The following PTPN4 variants were observed in gnomAD, a reference collection of about 807,000 sequenced individuals.
The protein encoded by PTPN4 is tyrosine-protein phosphatase non-receptor type 4.
Under a neutral mutation model 135.5 loss-of-function variants are expected in PTPN4, and 49 were observed. The observed-to-expected ratio is 0.36, with a 90% CI of 0.29 to 0.46. The LOEUF (loss-of-function observed/expected upper bound fraction) is 0.46, where lower values mean the gene tolerates loss of function less well. Ranked by LOEUF, PTPN4 falls within the 20% of genes least tolerant of loss-of-function variation. The pLI, the probability that PTPN4 is intolerant of heterozygous loss-of-function variation, is 1.00. For synonymous variants in PTPN4, 333 were observed against 369.9 expected, an observed-to-expected ratio of 0.90 and a Z score of 1.14; for missense variants, 860 against 1,101.0, an observed-to-expected ratio of 0.78 and a Z score of 3.10.
At chr2:119,870,100 A>G (rs1326323700) in intron 3 of PTPN4, among the ~76,000 whole-genome samples, 2 of 152,212 alleles carry the variant, frequency 1.3e-5, no homozygotes, top group Non-Finnish European at 2.9e-5. Context: ...TTCTTTAGCA[A>G]TATGATTATC....
At position 119,956,699 on chromosome 2, in the gene PTPN4, A is replaced by G. The variant is rs1018706606; in HGVS notation, c.1981-145A>G. 2.7e-5 allele frequency: 36 copies of G among 1,356,954 alleles called. No homozygotes were observed. The Middle Eastern group carries it at 6.9e-4, about 26-fold the overall frequency. 84.1% of individuals were successfully genotyped at this position (1,356,954 alleles called of 1,614,324 possible). On this transcript the variant is annotated intron_variant, in intron 20 of 26. Coordinates refer to ENST00000263708, the MANE Select transcript of PTPN4 (RefSeq NM_002830.4). ...CTTTGCAAATCTGGTTCAGTACTCT[A>G]CTAGACTATGGTATATCATTGTATA...
chr2:119,823,304 C>T (rs555264668), intron 2 of PTPN4, among the ~76,000 whole-genome samples: 40 of 151,400 alleles, frequency 2.6e-4, no homozygotes, highest in Non-Finnish European at 5.0e-4. Flanking sequence ...GCTCGATCTC[C>T]GCTCACTGCA....
chr2:119,833,382 A>G (rs1574358840), intron 2 of PTPN4, among the ~76,000 whole-genome samples: 2 of 152,146 alleles, frequency 1.3e-5, no homozygotes, highest in African/African-American at 2.4e-5. Context: ...CTGCATGCCA[A>G]TCCATATTGT....
intron 9 of PTPN4, among the ~76,000 whole-genome samples, chr2:119,891,185 T>G (rs1678234762): frequency 6.6e-6 from 1 of 152,218 alleles, no homozygotes; most frequent in African/African-American, 2.4e-5. Flanking sequence ...TTCTTTATTT[T>G]TGTTTGACTG....
chr2:119,888,577 G>A lies in PTPN4; in HGVS notation c.675+2695G>A, dbSNP rs189402535. Among the ~76,000 whole-genome samples the A allele has an allele frequency of 1.1e-3, 169 of 152,252 alleles. 1 individual carries two copies. The highest frequency in any genetic ancestry group is 2.8e-3 in the Admixed American group (43 of 15,294). On this transcript the variant is annotated intron_variant, in intron 9 of 26. Coordinates refer to ENST00000263708, the MANE Select transcript of PTPN4 (RefSeq NM_002830.4). ...CAAATGCTTTTACAATGTCTTTTGAGATGGTTATATGGTTTTTATTCTTCA... is the reference window on the plus strand; with the variant it reads ...CAAATGCTTTTACAATGTCTTTTGAAATGGTTATATGGTTTTTATTCTTCA...
intron 1 of PTPN4, among the ~76,000 whole-genome samples, chr2:119,789,471 T>C (rs1217788028): frequency 6.6e-6 from 1 of 152,228 alleles, no homozygotes; most frequent in East Asian, 1.9e-4. Flanking sequence ...GCCCGTGCTA[T>C]TGGTGTCATA....
At chr2:119,948,681 C>G (rs1679169863) in intron 18 of PTPN4, among the ~76,000 whole-genome samples, 2 of 152,108 alleles carry the variant, frequency 1.3e-5, no homozygotes, top group Admixed American at 6.5e-5. Context: ...TCAAAATGCT[C>G]ATCGTTAAAG....
intron 22 of PTPN4, among the ~76,000 whole-genome samples, chr2:119,958,515 A>G (rs1213909826): frequency 3.9e-5 from 6 of 152,162 alleles, no homozygotes; most frequent in Non-Finnish European, 7.4e-5. Context: ...CTAGTGGCCA[A>G]TCTTAGCTAA....
At chr2:119,949,485 T>G (rs954056307) in intron 18 of PTPN4, among the ~76,000 whole-genome samples, 2 of 152,304 alleles carry the variant, frequency 1.3e-5, no homozygotes, top group South Asian at 2.1e-4. Flanking sequence ...CAATTAAAGT[T>G]ATGATTCTCT....
chr2:119,832,186 A>G (rs1677229131), intron 2 of PTPN4, among the ~76,000 whole-genome samples: 1 of 152,158 alleles, frequency 6.6e-6, no homozygotes, highest in African/African-American at 2.4e-5. Context: ...ACTGACCTTA[A>G]CAGGTCTTAC....
At position 119,782,155 on chromosome 2, in the gene PTPN4, G is replaced by A. The variant is rs556262762; in HGVS notation, c.-18+21771G>A. Among the ~76,000 whole-genome samples the A allele has an allele frequency of 2.6e-4, 40 of 152,240 alleles. 1 individual carries two copies. The South Asian group carries it at 7.7e-3, about 29-fold the overall frequency. ...TTCTTGGCTGGGCGCGGTGGCTCAC[G>A]CCTGTAATCCTAGCACTTTGGGAGG... is the stretch of plus-strand genomic sequence containing the variant. On this transcript the variant is annotated intron_variant, in intron 1 of 26. Coordinates refer to ENST00000263708, the MANE Select transcript of PTPN4 (RefSeq NM_002830.4).
At chr2:119,889,368 C>T (rs1440536080) in intron 9 of PTPN4, among the ~76,000 whole-genome samples, 4 of 151,912 alleles carry the variant, frequency 2.6e-5, no homozygotes, top group African/African-American at 7.3e-5. Context: ...TGCAGTGAGC[C>T]GAGATGGCGC....
At chr2:119,853,998 G>A (rs1358553055) in intron 2 of PTPN4, among the ~76,000 whole-genome samples, 5 of 151,950 alleles carry the variant, frequency 3.3e-5, no homozygotes, top group South Asian at 4.1e-4. Context: ...GGCTCTGAAC[G>A]AAGAGGAAAA....
At chr2:119,856,757 T>G (rs1255591141) in intron 2 of PTPN4, among the ~76,000 whole-genome samples, 1 of 152,198 alleles carries the variant, frequency 6.6e-6, no homozygotes. Context: ...TGTTAGTAAC[T>G]GTTATTCATA....
At chr2:119,902,375 C>G (rs1678418589) in intron 10 of PTPN4, among the ~76,000 whole-genome samples, 1 of 152,116 alleles carries the variant, frequency 6.6e-6, no homozygotes, top group Non-Finnish European at 1.5e-5. Context: ...CACACACAAA[C>G]AAAAATTGAT....
At chr2:119,968,022 T>G in intron 26 of PTPN4, 50 bp downstream of exon 26, 2 of 1,305,464 alleles carry the variant, frequency 1.5e-6, no homozygotes, top group Non-Finnish European at 2.1e-6. Flanking sequence ...ATGATGATTT[T>G]TGTTGCCAAT....
chr2:119,846,801 C>T (rs1336620171), intron 2 of PTPN4, among the ~76,000 whole-genome samples: 1 of 151,454 alleles, frequency 6.6e-6, no homozygotes, highest in East Asian at 1.9e-4. Flanking sequence ...TAACCAGATA[C>T]ATCTTAACTT....
At chr2:119,951,635 C>G (rs1679213149) in intron 18 of PTPN4, among the ~76,000 whole-genome samples, 1 of 152,138 alleles carries the variant, frequency 6.6e-6, no homozygotes, top group Non-Finnish European at 1.5e-5. Context: ...TGGGGGACTG[C>G]TGTTATTTAA....
chr2:119,908,211 G>A (rs1313748128), intron 10 of PTPN4, among the ~76,000 whole-genome samples: 2 of 152,030 alleles, frequency 1.3e-5, no homozygotes, highest in Admixed American at 6.6e-5. Flanking sequence ...ACAAGGGCCT[G>A]GTATCCAGAA....
Sources: gnomAD v4.1 joint callset for allele counts (sites outside exome capture counted in the v4.1 genomes callset) on GRCh38, gnomAD v4.1.1 for gene constraint, MANE v1.5 for transcripts, NCBI Gene and HGNC (gene_info 2026-07-23, HGNC 2026-07-21) for gene names.